EPM2A: variants seen among roughly 807,000 people sequenced by gnomAD.
EPM2A encodes the protein EPM2A glucan phosphatase, laforin, also known as laforin.
A neutral mutation model predicts 26.5 loss-of-function variants in EPM2A; 21 were observed. The observed-to-expected ratio is 0.79, with a 90% CI of 0.56 to 1.14. The LOEUF (loss-of-function observed/expected upper bound fraction) is 1.14, where lower values mean the gene tolerates loss of function less well. Ranked by LOEUF, EPM2A falls within the 50% of genes most tolerant of loss-of-function variation. The pLI, the probability that EPM2A is intolerant of heterozygous loss-of-function variation, is 0.00. For synonymous variants in EPM2A, 217 were observed against 177.6 expected, an observed-to-expected ratio of 1.22 and a Z score of -1.76; for missense variants, 458 against 440.8, an observed-to-expected ratio of 1.04 and a Z score of -0.35.
intron 4 of EPM2A, among the ~76,000 whole-genome samples, chr6:145,434,581 T>A (rs533533457): frequency 1.1e-4 from 16 of 152,332 alleles, no homozygotes; most frequent in African/African-American, 3.8e-4. Context: ...TTTCACCTAT[T>A]GGCTTGAAAA....
chr6:145,707,381 TAAG>T (rs1463047447), intron 1 of EPM2A, among the ~76,000 whole-genome samples: 1 of 152,160 alleles, frequency 6.6e-6, no homozygotes, highest in Non-Finnish European at 1.5e-5. Context: ...AAGACCATAC[TAAG>T]AAGTTTAGAC....
At chr6:145,674,064 G>T (rs776947229) in intron 2 of EPM2A, among the ~76,000 whole-genome samples, 11 of 152,124 alleles carry the variant, frequency 7.2e-5, no homozygotes, top group Non-Finnish European at 1.0e-4. Context: ...CATACAGGCG[G>T]GTGCCCCTCT....
chr6:145,664,669 GA>G (rs1562460751), intron 2 of EPM2A, among the ~76,000 whole-genome samples: 1 of 152,036 alleles, frequency 6.6e-6, no homozygotes, highest in African/African-American at 2.4e-5. Flanking sequence ...GGACCTAATC[GA>G]CATCTACAGA....
chr6:145,484,083 A>C (rs1411910347), intron 4 of EPM2A, among the ~76,000 whole-genome samples: 2 of 152,184 alleles, frequency 1.3e-5, no homozygotes, highest in Non-Finnish European at 2.9e-5. Flanking sequence ...TGGTTCTTTC[A>C]GAAACCACCA....
At chr6:145,554,590 G>C (rs1780701627) in intron 2 of EPM2A, among the ~76,000 whole-genome samples, 1 of 152,012 alleles carries the variant, frequency 6.6e-6, no homozygotes, top group Non-Finnish European at 1.5e-5. Flanking sequence ...TTAGCTCATG[G>C]TTCTGGAGGC....
At chr6:145,733,555 T>C (rs1776622620) in intron 1 of EPM2A, among the ~76,000 whole-genome samples, 1 of 152,164 alleles carries the variant, frequency 6.6e-6, no homozygotes, top group African/African-American at 2.4e-5. Context: ...TCAGAAAAGC[T>C]AAATAACTAG....
At chr6:145,617,267 A>G (rs1160294289) in intron 2 of EPM2A, among the ~76,000 whole-genome samples, 2 of 152,186 alleles carry the variant, frequency 1.3e-5, no homozygotes, top group East Asian at 3.9e-4. Context: ...GTCTGCTACC[A>G]TATGAGATGT....
chr6:145,554,406 T>C lies in EPM2A; in HGVS notation c.341-51831A>G, dbSNP rs9399554. On this transcript the variant is annotated intron_variant, in intron 2 of 3. Coordinates refer to the EPM2A transcript ENST00000450221. ...GATGGATGGATAAATAGATAGATAA[T>C]AGAGAGATAGATAGATGATAGATAG... 6.3e-4 allele frequency among the ~76,000 whole-genome samples: 94 copies of C among 148,494 alleles called. 1 individual carries two copies. In the East Asian group the frequency reaches 0.016, roughly 26 times the overall value.
intron 2 of EPM2A, among the ~76,000 whole-genome samples, chr6:145,592,873 C>T (rs1257904925): frequency 6.6e-6 from 1 of 151,432 alleles, no homozygotes; most frequent in East Asian, 1.9e-4. Context: ...AAGGAAAGCA[C>T]AAAAAGAAGG....
rs35326843 is a variant in EPM2A, at chr6:145,683,268, G to GGTGTGTGTGTGTGTGTGTGTGT, written c.476+2832_476+2853dup. ...TGAAAAATAAAGATTCCCAGGATTT[G>GGTGTGTGTGTGTGTGTGTGTGT]GTGTGTGTGTGTGTGTGTGTGTGTG... On this transcript the variant is annotated intron_variant, in intron 2 of 3. Transcript: ENST00000367519. Among the ~76,000 whole-genome samples, 113 of 134,000 alleles carry GGTGTGTGTGTGTGTGTGTGTGT rather than the reference G, an allele frequency of 8.4e-4. 1 individual carries two copies. The highest frequency in any genetic ancestry group is 1.2e-3 in the Admixed American group (15 of 12,608). The allele number at this position is 134,000 out of a possible 152,430, so 87.9% of individuals were successfully genotyped here. A position where few individuals can be genotyped will look rare whatever the true frequency, so the allele number is the denominator to read the frequency against.
At chr6:145,478,009 G>A (rs191928095) in intron 4 of EPM2A, among the ~76,000 whole-genome samples, 10 of 151,484 alleles carry the variant, frequency 6.6e-5, no homozygotes, top group Admixed American at 1.3e-4. Flanking sequence ...TGCTGATGAT[G>A]TAAACTTACA....
chr6:145,534,407 A>G, intron 2 of EPM2A, among the ~76,000 whole-genome samples: 1 of 152,256 alleles, frequency 6.6e-6, no homozygotes, highest in East Asian at 1.9e-4. Context: ...GCTAAAGAAA[A>G]CCATACCCAT....
chr6:145,602,788 G>A (rs1028352644), intron 2 of EPM2A, among the ~76,000 whole-genome samples: 9 of 152,152 alleles, frequency 5.9e-5, no homozygotes, highest in Non-Finnish European at 8.8e-5. Context: ...TTACGGAGGG[G>A]AAACTGAAAT....
chr6:145,553,252 A>G (rs406343), intron 2 of EPM2A, among the ~76,000 whole-genome samples: 68,429 of 151,998 alleles, frequency 0.45, 15,428 homozygotes, highest in South Asian at 0.58. Context: ...GTGCATAATC[A>G]TCAGTCAATT....
chr6:145,520,815 C>T (rs539089847), intron 2 of EPM2A, among the ~76,000 whole-genome samples: 2 of 151,922 alleles, frequency 1.3e-5, no homozygotes, highest in Non-Finnish European at 2.9e-5. Context: ...GGCTAAGGGA[C>T]GGGTAGTTAG....
rs2128649479 is a variant in EPM2A at position 145,735,265 on chromosome 6, C to T, written c.234G>A (p.Pro78=). 4 of 1,516,920 alleles carry T rather than the reference C, an allele frequency of 2.6e-6. No individual in the cohort carries two copies. Among genetic ancestry groups the T allele is most frequent in the Non-Finnish European group, 3.5e-6 (4 of 1,130,950 alleles). 94.0% of individuals were successfully genotyped at this position (1,516,920 alleles called of 1,614,324 possible). The change falls in exon 1 of 4, where the codon CCG becomes CCA. Residue 78 remains proline (P), a synonymous_variant. Coordinates refer to ENST00000367519, the MANE Select transcript of EPM2A (RefSeq NM_005670.4). ...AEEAAQDGAE[P]GRVDTFWYKF... Reference sequence around the variant, plus strand: ...TGTACCAGAACGTGTCCACGCGGCCCGGCTCCGCCCCGTCCTGCGCCGCCT... The same window carrying T: ...TGTACCAGAACGTGTCCACGCGGCCTGGCTCCGCCCCGTCCTGCGCCGCCT...
intron 4 of EPM2A, among the ~76,000 whole-genome samples, chr6:145,412,214 CAAAA>C (rs11404849): frequency 8.8e-6 from 1 of 114,056 alleles, no homozygotes; most frequent in Non-Finnish European, 1.8e-5. Context: ...GACTCTGTCT[CAAAA>C]AAAAAAAAAA....
At chr6:145,689,999 G>A (rs943374913) in intron 1 of EPM2A, among the ~76,000 whole-genome samples, 1 of 152,116 alleles carries the variant, frequency 6.6e-6, no homozygotes, top group Non-Finnish European at 1.5e-5. Context: ...TGGATGCCAT[G>A]TAGGAAGCAG....
intron 4 of EPM2A, among the ~76,000 whole-genome samples, chr6:145,468,610 T>G (rs1779430861): frequency 7.0e-6 from 1 of 142,496 alleles, no homozygotes; most frequent in South Asian, 2.2e-4. Flanking sequence ...CCTCTATCTC[T>G]CATCATATAC....
Sources: gnomAD v4.1 joint callset for allele counts (sites outside exome capture counted in the v4.1 genomes callset) on GRCh38, gnomAD v4.1.1 for gene constraint, MANE v1.5 for transcripts, NCBI Gene and HGNC (gene_info 2026-07-23, HGNC 2026-07-21) for gene names.